Variants in XPO6 observed in about 807,000 individuals in gnomAD.
XPO6 encodes exportin-6.
XPO6 carries 3 observed loss-of-function variants against 130.0 expected under a neutral mutation model. The observed-to-expected ratio is 0.02, with a 90% CI of 0.01 to 0.06. The LOEUF is 0.06. XPO6 is among the 10% of genes least tolerant of loss of function. The probability of loss-of-function intolerance (pLI) is 1.00; values close to 1 mark genes in which losing one functional copy is unlikely to be tolerated. For missense variants in XPO6, 970 were observed against 1,393.0 expected (o/e 0.70, Z 4.83); for synonymous variants, 524 against 548.9 (o/e 0.95, Z 0.63).
At chr16:28,207,495 T>C (rs556580876) in intron 1 of XPO6, among the ~76,000 whole-genome samples, 23 of 152,350 alleles carry the variant, frequency 1.5e-4, no homozygotes, top group African/African-American at 4.8e-4. Context: ...AATACAGTTA[T>C]AGTATGCTAG....
chr16:28,120,615 T>C (rs2087208447), intron 14 of XPO6, among the ~76,000 whole-genome samples: 2 of 152,172 alleles, frequency 1.3e-5, no homozygotes, highest in Admixed American at 1.3e-4. Context: ...TACAAGTTGT[T>C]GTATTTATAA....
intron 7 of XPO6, chr16:28,153,314 A>G: frequency 3.0e-6 from 3 of 986,762 alleles, no homozygotes; most frequent in Non-Finnish European, 3.6e-6. Context: ...GCACAACCCA[A>G]TACTCTAAAA....
chr16:28,133,708 G>A (rs927704169), intron 11 of XPO6, 133 bp downstream of exon 11: 7 of 777,906 alleles, frequency 9.0e-6, no homozygotes, highest in Non-Finnish European at 1.4e-5. Context: ...ATCACTTATG[G>A]TAATTATTCT....
chr16:28,142,771 A>G (rs945792580), intron 9 of XPO6, among the ~76,000 whole-genome samples: 2 of 152,080 alleles, frequency 1.3e-5, no homozygotes, highest in Non-Finnish European at 2.9e-5. Flanking sequence ...GAGTCTTGCT[A>G]TGTTGCCCAG....
chr16:28,124,908 G>A (rs747342265), intron 13 of XPO6, among the ~76,000 whole-genome samples: 5 of 152,200 alleles, frequency 3.3e-5, no homozygotes, highest in Admixed American at 6.5e-5. Context: ...GAAGCATCAG[G>A]TGTCTTGGCT....
At chr16:28,199,552 C>T (rs1033629127) in intron 1 of XPO6, among the ~76,000 whole-genome samples, 4 of 151,856 alleles carry the variant, frequency 2.6e-5, no homozygotes, top group Non-Finnish European at 2.9e-5. Flanking sequence ...GCTGGGATTA[C>T]AGGAGTGAGC....
At chr16:28,165,939 A>G (rs980645186) in intron 6 of XPO6, among the ~76,000 whole-genome samples, 1 of 152,236 alleles carries the variant, frequency 6.6e-6, no homozygotes, top group Admixed American at 6.5e-5. Context: ...AGATATTAAC[A>G]TAACTGTGGA....
In XPO6 at chr16:28,156,509, A is replaced by G; in HGVS notation, c.662T>C (p.Leu221Pro). 1.3e-6 allele frequency: 2 copies of G among 1,562,384 alleles called. No homozygotes were observed. The highest frequency in any genetic ancestry group is 1.2e-5 in the South Asian group (1 of 84,020). The stretch of plus-strand genomic sequence containing the variant: ...TTTGGCTGAACTGGGACTCTGCAAC[A>G]GGTTACTCAGTAAGTCACCTGAAAA... ...SGESGDLLSN[L>P]LQSPSSAKLL... The change falls in exon 7 of 24, where the codon CTG becomes CCG. Residue 221 changes from leucine to proline, a missense_variant. Physicochemically the swap from Leu to Pro is moderately conservative, Grantham distance 98 (BLOSUM62 -3). This residue lies in a region of XPO6 where 936 missense variants were observed against 1,306.8 expected (regional missense o/e 0.72). Coordinates refer to ENST00000304658, the MANE Select transcript of XPO6 (RefSeq NM_015171.4).
intron 9 of XPO6, among the ~76,000 whole-genome samples, chr16:28,140,591 T>C (rs1205089137): frequency 6.6e-6 from 1 of 151,552 alleles, no homozygotes; most frequent in Non-Finnish European, 1.5e-5. Flanking sequence ...GGCAGGAGAA[T>C]TGCTTGAACC....
intron 20 of XPO6, chr16:28,105,594 G>A (rs1004829290): frequency 3.8e-5 from 6 of 156,044 alleles, no homozygotes; most frequent in South Asian, 2.0e-4. Flanking sequence ...TACTTATTCC[G>A]GGTCTTATTA....
chr16:28,120,087 C>T (rs188266210), intron 14 of XPO6, among the ~76,000 whole-genome samples: 48 of 152,274 alleles, frequency 3.2e-4, no homozygotes, highest in Admixed American at 3.0e-3. Context: ...TCAAGTGATC[C>T]GCCTGCCTCG....
chr16:28,211,524 A>C lies in XPO6; in HGVS notation c.-156T>G. Reference sequence around the variant, plus strand: ...ACCGGGCCCCGAGGGGACCCTCTAAAAAGGGCAGGGCCGCCCGGGTCGCCT... The same window carrying C: ...ACCGGGCCCCGAGGGGACCCTCTAACAAGGGCAGGGCCGCCCGGGTCGCCT... On this transcript the variant is annotated 5_prime_UTR_variant, in exon 1 of 24. Coordinates refer to ENST00000304658, the MANE Select transcript of XPO6 (RefSeq NM_015171.4). 3.5e-6 allele frequency: 3 copies of C among 850,504 alleles called. No individual in the cohort carries two copies. Among genetic ancestry groups the C allele is most frequent in the Non-Finnish European group, 4.8e-6 (3 of 625,298 alleles). 52.7% of individuals were successfully genotyped at this position (850,504 alleles called of 1,614,324 possible). A position where few individuals can be genotyped will look rare whatever the true frequency, so the allele number is the denominator to read the frequency against.
rs2086730891 is a variant in XPO6 at position 28,104,609 on chromosome 16, A to G, written c.2883T>C (p.Ser961=). The part of the protein sequence containing the change: ...RYFFKSTVLA[S]VQRGIAEEQM... ...GCTCCTCAGCGATCCCCCTCTGGACACTGGCCAGCACGGTGGACTTGAAGA... is the reference window on the plus strand; with the variant it reads ...GCTCCTCAGCGATCCCCCTCTGGACGCTGGCCAGCACGGTGGACTTGAAGA... Residue 961 remains serine (S), a synonymous_variant, in exon 21 of 24, where the codon AGT becomes AGC. Coordinates refer to ENST00000304658, the MANE Select transcript of XPO6 (RefSeq NM_015171.4). 1.2e-6 allele frequency: 2 copies of G among 1,614,120 alleles called. No homozygotes were observed. The highest frequency in any genetic ancestry group is 4.5e-5 in the East Asian group (2 of 44,882).
At chr16:28,179,830 T>C (rs2043588133) in intron 2 of XPO6, among the ~76,000 whole-genome samples, 1 of 152,138 alleles carries the variant, frequency 6.6e-6, no homozygotes, top group East Asian at 1.9e-4. Context: ...AAGCCTACTG[T>C]ATAGAAACAA....
intron 14 of XPO6, among the ~76,000 whole-genome samples, 159 bp downstream of exon 14, chr16:28,121,511 T>A (rs2087237145): frequency 6.6e-6 from 1 of 152,188 alleles, no homozygotes; most frequent in African/African-American, 2.4e-5. Flanking sequence ...GCCCCAGACA[T>A]ATAGTCAAAA....
At chr16:28,163,524 A>G (rs982741315) in intron 6 of XPO6, among the ~76,000 whole-genome samples, 3 of 152,264 alleles carry the variant, frequency 2.0e-5, no homozygotes, top group African/African-American at 4.8e-5. Context: ...CCAGGCAAAG[A>G]GAAGTGAACA....
chr16:28,141,700 C>T (rs905883671), intron 9 of XPO6, among the ~76,000 whole-genome samples: 1 of 152,208 alleles, frequency 6.6e-6, no homozygotes, highest in Admixed American at 6.5e-5. Context: ...TCCTCTCACA[C>T]CTGTAATCCC....
In XPO6 at chr16:28,152,639, G is replaced by T. The variant is rs748103595; in HGVS notation, c.1224+20C>A. Reference sequence around the variant, plus strand: ...AATAAACCTTTTCTCTGGAAGGGAAGGATGACTTTGGTGCTTTACCTGATG... The same window carrying T: ...AATAAACCTTTTCTCTGGAAGGGAATGATGACTTTGGTGCTTTACCTGATG... On this transcript the variant is annotated intron_variant, in intron 8 of 23. Transcript: ENST00000304658. The T allele has an allele frequency of 2.1e-5, 33 of 1,597,170 alleles. No individual in the cohort carries two copies. The African/African-American group carries it at 4.3e-4, about 21-fold the overall frequency.
At chr16:28,171,551 C>A (rs1439297014) in intron 4 of XPO6, among the ~76,000 whole-genome samples, 1 of 151,668 alleles carries the variant, frequency 6.6e-6, no homozygotes, top group African/African-American at 2.4e-5. Flanking sequence ...AAAAGCTCAC[C>A]CCTAAAGAAC....
Sources: gnomAD v4.1 joint callset for allele counts (sites outside exome capture counted in the v4.1 genomes callset) on GRCh38, gnomAD v4.1.1 for gene constraint, gnomAD v4.1.1 regional missense constraint, MANE v1.5 for transcripts, NCBI Gene and HGNC (gene_info 2026-07-23, HGNC 2026-07-21) for gene names.